The following PPP2R3A variants were observed in gnomAD, a reference collection of about 807,000 sequenced individuals.
PPP2R3A encodes protein phosphatase 2 regulatory subunit B''alpha.
PPP2R3A carries 80 observed loss-of-function variants against 106.9 expected under a neutral mutation model. That is an observed-to-expected ratio of 0.75 (90% confidence interval 0.62 to 0.90). The LOEUF (loss-of-function observed/expected upper bound fraction) is 0.90. Among genes scored for constraint, PPP2R3A ranks in the 40% least tolerant of loss-of-function variants. The probability of loss-of-function intolerance (pLI) is 0.00; values close to 1 mark genes in which losing one functional copy is unlikely to be tolerated. For missense variants in PPP2R3A, 1,386 were observed against 1,350.4 expected (o/e 1.03, Z -0.41); for synonymous variants, 483 against 468.3 (o/e 1.03, Z -0.41).
At chr3:135,993,184 A>G (rs191697415) in intron 1 of PPP2R3A, among the ~76,000 whole-genome samples, 9 of 152,308 alleles carry the variant, frequency 5.9e-5, no homozygotes, top group African/African-American at 2.2e-4. Flanking sequence ...GGGAGATAAT[A>G]TCTGTATTTA....
intron 1 of PPP2R3A, among the ~76,000 whole-genome samples, chr3:135,997,718 A>G (rs1185228318): frequency 6.6e-6 from 1 of 152,216 alleles, no homozygotes; most frequent in African/African-American, 2.4e-5. Context: ...GTCTCCCAGT[A>G]CTTAAGCCAG....
At position 136,002,898 on chromosome 3, in the gene PPP2R3A, A is replaced by G. The variant is rs1327253714; in HGVS notation, c.1400A>G (p.Asn467Ser). 2 of 1,612,604 alleles carry G rather than the reference A, an allele frequency of 1.2e-6. No individual in the cohort carries two copies. Among genetic ancestry groups the G allele is most frequent in the South Asian group, 1.1e-5 (1 of 90,608 alleles). ...HLKKCPTPMQ[N>S]EIGKIFEKSF... Reference sequence around the variant, plus strand: ...AAAAAATGCCCCACCCCAATGCAAAATGAAATTGGTAAGATATTTGAGAAA... The same window carrying G: ...AAAAAATGCCCCACCCCAATGCAAAGTGAAATTGGTAAGATATTTGAGAAA... Residue 467 changes from asparagine (N) to serine (S), a missense_variant, in exon 2 of 14, where the codon AAT becomes AGT. Asn to Ser is a conservative substitution (Grantham distance 46). Transcript: ENST00000264977.
At chr3:136,030,774 ATATATATGTATGTATG>A (rs1559878106) in intron 3 of PPP2R3A, among the ~76,000 whole-genome samples, 5 of 124,132 alleles carry the variant, frequency 4.0e-5, no homozygotes, top group African/African-American at 1.8e-4. Flanking sequence ...ATATATATAT[ATATATATGTATGTATG>A]TATGTATGTA....
At chr3:135,971,691 A>T (rs1048594635) in intron 1 of PPP2R3A, among the ~76,000 whole-genome samples, 1 of 152,222 alleles carries the variant, frequency 6.6e-6, no homozygotes, top group Non-Finnish European at 1.5e-5. Context: ...ACTTTGTGAC[A>T]TGAAAGCAGA....
chr3:136,104,116 T>C (rs1480339984), intron 12 of PPP2R3A, among the ~76,000 whole-genome samples: 1 of 152,210 alleles, frequency 6.6e-6, no homozygotes, highest in Non-Finnish European at 1.5e-5. Flanking sequence ...CATAACTGTT[T>C]GACCTAAATA....
intron 2 of PPP2R3A, among the ~76,000 whole-genome samples, chr3:136,019,448 A>G (rs2107812139): frequency 6.6e-6 from 1 of 152,292 alleles, no homozygotes; most frequent in Non-Finnish European, 1.5e-5. Flanking sequence ...TCCCAGCCCC[A>G]TAGATTGTAC....
chr3:136,111,670 A>C (rs1405901454), intron 13 of PPP2R3A, among the ~76,000 whole-genome samples: 1 of 152,096 alleles, frequency 6.6e-6, no homozygotes, highest in Non-Finnish European at 1.5e-5. Context: ...AAAAACTACC[A>C]ATCAGATAAA....
At chr3:136,136,060 A>T (rs1576338337) in intron 13 of PPP2R3A, among the ~76,000 whole-genome samples, 3 of 48,940 alleles carry the variant, frequency 6.1e-5, no homozygotes, top group African/African-American at 1.5e-4. Context: ...AAAAAAAAAA[A>T]AAAAAAAAAA....
intron 8 of PPP2R3A, among the ~76,000 whole-genome samples, chr3:136,085,947 A>G (rs543309710): frequency 6.6e-6 from 1 of 151,714 alleles, no homozygotes; most frequent in Non-Finnish European, 1.5e-5. Context: ...ATTAAAAATT[A>G]AAAAATGTCT....
intron 10 of PPP2R3A, among the ~76,000 whole-genome samples, chr3:136,094,929 C>T (rs1056894049): frequency 1.3e-5 from 2 of 152,154 alleles, no homozygotes; most frequent in Non-Finnish European, 2.9e-5. Flanking sequence ...GACTGACATC[C>T]CTCTTGAATA....
intron 1 of PPP2R3A, among the ~76,000 whole-genome samples, chr3:135,995,447 ATTTTTTT>A (rs60359404): frequency 1.0e-4 from 9 of 87,306 alleles, no homozygotes; most frequent in Non-Finnish European, 1.3e-4. Context: ...ACGTTGACAG[ATTTTTTT>A]TTTTTTTTTT....
chr3:135,980,579 A>G (rs1576408482), intron 1 of PPP2R3A, among the ~76,000 whole-genome samples: 1 of 151,936 alleles, frequency 6.6e-6, no homozygotes, highest in East Asian at 1.9e-4. Flanking sequence ...AACAGGAACG[A>G]GGGACTTTAG....
At chr3:136,030,758 T>TC (rs1553745356) in intron 3 of PPP2R3A, among the ~76,000 whole-genome samples, 1 of 79,894 alleles carries the variant, frequency 1.3e-5, no homozygotes, top group African/African-American at 5.1e-5. Flanking sequence ...TAGTATTCCA[T>TC]CACATATATA....
At chr3:136,127,713 A>C (rs1458471952) in intron 13 of PPP2R3A, among the ~76,000 whole-genome samples, 1 of 152,222 alleles carries the variant, frequency 6.6e-6, no homozygotes, top group East Asian at 1.9e-4. Flanking sequence ...CATAATTGTC[A>C]GATTCACCAA....
intron 13 of PPP2R3A, among the ~76,000 whole-genome samples, chr3:136,110,034 G>T (rs1380137849): frequency 2.0e-5 from 3 of 152,008 alleles, no homozygotes; most frequent in Non-Finnish European, 4.4e-5. Flanking sequence ...ATGGAGCTTG[G>T]AACAGAGAAA....
chr3:136,082,232 A>G, intron 7 of PPP2R3A, 33 bp from the exon 8 acceptor site: 1 of 1,529,516 alleles, frequency 6.5e-7, no homozygotes, highest in South Asian at 1.1e-5. Flanking sequence ...GCTTTTTCAT[A>G]ATGTTTAAAT....
chr3:136,061,949 C>CT (rs1201685671), intron 5 of PPP2R3A, among the ~76,000 whole-genome samples: 2 of 143,528 alleles, frequency 1.4e-5, no homozygotes, highest in Admixed American at 1.4e-4. Context: ...AAAAAAAACA[C>CT]TGAGTCCTGA....
At chr3:136,096,101 T>G (rs1937209285) in intron 10 of PPP2R3A, among the ~76,000 whole-genome samples, 1 of 152,202 alleles carries the variant, frequency 6.6e-6, no homozygotes, top group Admixed American at 6.5e-5. Flanking sequence ...TATTGAATAC[T>G]GTACTGAAAG....
chr3:136,055,287 CT>C (rs1437727079), intron 5 of PPP2R3A: 1 of 877,198 alleles, frequency 1.1e-6, no homozygotes, highest in Non-Finnish European at 1.9e-6. Flanking sequence ...AGACCTGAGT[CT>C]GTTGTGTTGG....
Sources: gnomAD v4.1 joint callset for allele counts (sites outside exome capture counted in the v4.1 genomes callset) on GRCh38, gnomAD v4.1.1 for gene constraint, MANE v1.5 for transcripts, NCBI Gene and HGNC (gene_info 2026-07-23, HGNC 2026-07-21) for gene names.